Variants in RNF43 observed in about 807,000 individuals in gnomAD.
RNF43 encodes E3 ubiquitin-protein ligase RNF43.
In RNF43, 37 loss-of-function variants were observed where a neutral mutation model predicts 78.4. The ratio of observed to expected loss-of-function variants is 0.47; its 90% CI spans 0.36 to 0.62. RNF43 has a LOEUF of 0.62. RNF43 is among the 20% of genes least tolerant of loss of function. The pLI, the probability that RNF43 is intolerant of heterozygous loss-of-function variation, is 0.00. For synonymous variants in RNF43, 347 were observed against 395.0 expected, an observed-to-expected ratio of 0.88 and a Z score of 1.44; for missense variants, 774 against 1,007.9, an observed-to-expected ratio of 0.77 and a Z score of 3.14.
intron 3 of RNF43, among the ~76,000 whole-genome samples, chr17:58,364,692 C>G (rs1972912371): frequency 6.6e-6 from 1 of 152,342 alleles, no homozygotes; most frequent in South Asian, 2.1e-4. Flanking sequence ...GCACCGCCCC[C>G]CCTCACCCCC....
At chr17:58,409,670 G>T (rs1567897845) in intron 2 of RNF43, among the ~76,000 whole-genome samples, 1 of 152,066 alleles carries the variant, frequency 6.6e-6, no homozygotes, top group Non-Finnish European at 1.5e-5. Flanking sequence ...ACCACACCTG[G>T]CCCGGGAATA....
At chr17:58,355,805 A>T (rs1409389391) in intron 9 of RNF43, among the ~76,000 whole-genome samples, 1 of 152,176 alleles carries the variant, frequency 6.6e-6, no homozygotes, top group Non-Finnish European at 1.5e-5. Context: ...GACATACTGG[A>T]TGGGCAGCAC....
At chr17:58,372,327 G>C (rs1646990206) in intron 2 of RNF43, among the ~76,000 whole-genome samples, 1 of 152,192 alleles carries the variant, frequency 6.6e-6, no homozygotes, top group African/African-American at 2.4e-5. Context: ...TGGGCAGGGG[G>C]TGTTGAGATA....
At chr17:58,412,854 C>G (rs1168556604) in intron 2 of RNF43, among the ~76,000 whole-genome samples, 1 of 151,186 alleles carries the variant, frequency 6.6e-6, no homozygotes, top group Non-Finnish European at 1.5e-5. Flanking sequence ...GTTCTCATAA[C>G]TGTACATTTT....
chr17:58,408,713 T>C (rs1477506792), intron 2 of RNF43, among the ~76,000 whole-genome samples: 1 of 152,154 alleles, frequency 6.6e-6, no homozygotes, highest in East Asian at 1.9e-4. Context: ...CTCAAAATAA[T>C]CCACCTTATA....
chr17:58,360,277 C>T lies in RNF43; in HGVS notation c.850-26G>A. ...CTGGAGAAAAAGAGGGGGTCCAAAC[C>T]AAAGGCTTCTGTAGCCATAGGAATT... On this transcript the variant is annotated intron_variant, in intron 7 of 9. Transcript: ENST00000407977. The surrounding 1 kb of genome is among the most constrained non-coding windows in gnomAD (Gnocchi z 4.3). 6.4e-6 allele frequency: 10 copies of T among 1,570,422 alleles called. No individual in the cohort carries two copies. The highest frequency in any genetic ancestry group is 8.8e-6 in the Non-Finnish European group (10 of 1,140,152).
rs138844366 is a variant in RNF43 at position 58,358,766 on chromosome 17, C to A, written c.1010G>T (p.Arg337Leu). The A allele has an allele frequency of 6.4e-7, 1 of 1,559,178 alleles. No homozygotes were observed. Among genetic ancestry groups the A allele is most frequent in the Non-Finnish European group, 8.7e-7 (1 of 1,150,148 alleles). ...GPSRSYQEPG[R>L]RLHLIRQHPG... is the part of the protein sequence containing the mutation. ...ATGCTGGCGAATGAGGTGGAGTCTT[C>A]GACCTGGTTCTTGGTAAGATCGAGA... is the stretch of plus-strand genomic sequence containing the variant. Residue 337 changes from arginine (R) to leucine (L), a missense_variant, in exon 9 of 10, where the codon CGA becomes CTA. Coordinates refer to ENST00000407977, the MANE Select transcript of RNF43 (RefSeq NM_017763.6). This position sits in a 1 kb window ranked among gnomAD's most constrained non-coding sequence, Gnocchi z 6.2.
intron 6 of RNF43, among the ~76,000 whole-genome samples, chr17:58,362,110 C>A (rs12452186): frequency 0.57 from 70,762 of 124,460 alleles, 17,482 homozygotes; most frequent in East Asian, 0.68. Flanking sequence ...AACAAACAAA[C>A]AAAAAAAAAC....
chr17:58,370,703 A>T (rs956009710), intron 3 of RNF43, among the ~76,000 whole-genome samples: 1 of 152,156 alleles, frequency 6.6e-6, no homozygotes, highest in Non-Finnish European at 1.5e-5. Flanking sequence ...GCTGGGATGA[A>T]GGTCAAAAAG....
At chr17:58,386,667 C>T (rs923125358) in intron 2 of RNF43, among the ~76,000 whole-genome samples, 1 of 152,138 alleles carries the variant, frequency 6.6e-6, no homozygotes, top group African/African-American at 2.4e-5. Context: ...CCTATTATTT[C>T]TGTTCTGTGA....
At chr17:58,395,634 A>G (rs1028677923) in intron 2 of RNF43, among the ~76,000 whole-genome samples, 1 of 152,260 alleles carries the variant, frequency 6.6e-6, no homozygotes, top group African/African-American at 2.4e-5. Context: ...ATCAGGTGTT[A>G]AACTAAATAA....
intron 6 of RNF43, 85 bp downstream of exon 6, chr17:58,362,456 CCTT>C: frequency 1.1e-6 from 1 of 886,404 alleles, no homozygotes; most frequent in Non-Finnish European, 1.7e-6. Flanking sequence ...TATAAAGGTG[CCTT>C]CTTCACGTAC....
chr17:58,352,996 G>A (rs1323909394), downstream of RNF43: 1 of 218,072 alleles, frequency 4.6e-6, no homozygotes, highest in African/African-American at 2.2e-5. Context: ...GTGAGGAAGC[G>A]ACAAAGGCCC....
chr17:58,379,871 G>A (rs1973277610), intron 2 of RNF43, among the ~76,000 whole-genome samples: 1 of 152,176 alleles, frequency 6.6e-6, no homozygotes, highest in Non-Finnish European at 1.5e-5. Flanking sequence ...ATTCTCACAT[G>A]GAAACAGGGT....
At chr17:58,383,993 A>G (rs1436951424) in intron 2 of RNF43, among the ~76,000 whole-genome samples, 2 of 152,184 alleles carry the variant, frequency 1.3e-5, no homozygotes, top group African/African-American at 4.8e-5. Flanking sequence ...GCTTCCCGGC[A>G]GCTTGATCAG....
chr17:58,376,641 A>G (rs1486708500), intron 2 of RNF43, among the ~76,000 whole-genome samples: 2 of 152,184 alleles, frequency 1.3e-5, no homozygotes, highest in Non-Finnish European at 2.9e-5. Context: ...CGGGCTCTTG[A>G]GAAAACAGAT....
intron 2 of RNF43, among the ~76,000 whole-genome samples, chr17:58,377,837 T>C (rs973498928): frequency 5.3e-5 from 8 of 152,082 alleles, no homozygotes; most frequent in Non-Finnish European, 8.8e-5. Context: ...ATCAAAGGCA[T>C]CATTCTCCCC....
intron 2 of RNF43, among the ~76,000 whole-genome samples, chr17:58,386,243 T>A (rs2143582137): frequency 6.6e-6 from 1 of 152,150 alleles, no homozygotes; most frequent in East Asian, 1.9e-4. Context: ...CTGGCCAATA[T>A]GGTGAAACCC....
chr17:58,364,081 G>A (rs540855877), intron 3 of RNF43, among the ~76,000 whole-genome samples: 2 of 152,342 alleles, frequency 1.3e-5, no homozygotes, highest in East Asian at 3.9e-4. Flanking sequence ...GCCCAGTCCT[G>A]CCTGCAGGGC....
Sources: gnomAD v4.1 joint callset for allele counts (sites outside exome capture counted in the v4.1 genomes callset) on GRCh38, gnomAD v4.1.1 for gene constraint, Gnocchi (gnomAD v3.1) non-coding constraint, MANE v1.5 for transcripts, NCBI Gene and HGNC (gene_info 2026-07-23, HGNC 2026-07-21) for gene names.